SCAMP1: variants seen among roughly 807,000 people sequenced by gnomAD.
SCAMP1 encodes secretory carrier-associated membrane protein 1.
SCAMP1 carries 15 observed loss-of-function variants against 41.8 expected under a neutral mutation model. The ratio of observed to expected loss-of-function variants is 0.36; its 90% CI spans 0.24 to 0.55. The LOEUF (loss-of-function observed/expected upper bound fraction) is 0.55, where lower values mean the gene tolerates loss of function less well. Ranked by LOEUF, SCAMP1 falls within the 20% of genes least tolerant of loss-of-function variation. SCAMP1 has a pLI of 0.86. For synonymous variants in SCAMP1, 135 were observed against 136.8 expected (o/e 0.99, Z 0.09); for missense variants, 341 against 412.6 (o/e 0.83, Z 1.50).
intron 7 of SCAMP1, among the ~76,000 whole-genome samples, chr5:78,450,396 T>C (rs1753193511): frequency 6.6e-6 from 1 of 152,230 alleles, no homozygotes; most frequent in Non-Finnish European, 1.5e-5. Flanking sequence ...GGGATACCTA[T>C]TATGTATAAA....
At position 78,416,795 on chromosome 5, in the gene SCAMP1, G is replaced by C. The variant is rs1752221592; in HGVS notation, c.343+146G>C. On this transcript the variant is annotated intron_variant, in intron 4 of 8. Coordinates refer to ENST00000621999, the MANE Select transcript of SCAMP1 (RefSeq NM_004866.6). ...GGAGATCAGACACAGCAGATTGCCT[G>C]TTTGATACTCTGTAGCCTTCTAATC... The C allele has an allele frequency of 2.7e-5, 16 of 589,714 alleles. 1 individual carries two copies. The South Asian group carries it at 3.5e-4, about 13-fold the overall frequency. 36.5% of individuals were successfully genotyped at this position (589,714 alleles called of 1,614,324 possible).
intron 7 of SCAMP1, chr5:78,458,030 G>C (rs576663180): frequency 6.5e-6 from 1 of 152,954 alleles, no homozygotes; most frequent in South Asian, 2.1e-4. Context: ...GCAATGCCTC[G>C]CCCTGCTTCG....
intron 2 of SCAMP1, among the ~76,000 whole-genome samples, chr5:78,414,282 A>T (rs1752154047): frequency 6.6e-6 from 1 of 151,362 alleles, no homozygotes; most frequent in South Asian, 2.1e-4. Flanking sequence ...TTTTTATTTT[A>T]TTATTATTAT....
At chr5:78,469,756 T>C (rs1444346754) in intron 8 of SCAMP1, among the ~76,000 whole-genome samples, 2 of 151,744 alleles carry the variant, frequency 1.3e-5, no homozygotes, top group East Asian at 1.9e-4. Flanking sequence ...AGACTGTGCA[T>C]GGTGGTTCAC....
intron 1 of SCAMP1, among the ~76,000 whole-genome samples, chr5:78,373,714 A>G (rs1272783837): frequency 6.6e-6 from 1 of 152,158 alleles, no homozygotes; most frequent in Non-Finnish European, 1.5e-5. Flanking sequence ...GTACTACAAA[A>G]TAGAGTGTGA....
chr5:78,420,629 T>C (rs1000888481), intron 5 of SCAMP1, among the ~76,000 whole-genome samples: 1 of 152,108 alleles, frequency 6.6e-6, no homozygotes, highest in African/African-American at 2.4e-5. Flanking sequence ...GGCTGAAAAA[T>C]TGAAGCTTAC....
intron 1 of SCAMP1, among the ~76,000 whole-genome samples, chr5:78,383,595 A>G (rs779038708): frequency 2.6e-5 from 4 of 151,998 alleles, no homozygotes; most frequent in Non-Finnish European, 5.9e-5. Context: ...ATCCATCTTG[A>G]GTTGATTTTT....
intron 6 of SCAMP1, among the ~76,000 whole-genome samples, chr5:78,428,960 TCA>T (rs1752532150): frequency 1.3e-5 from 2 of 152,160 alleles, no homozygotes; most frequent in East Asian, 3.8e-4. Context: ...TGATCTTGTA[TCA>T]TTCTACCTTG....
At chr5:78,448,188 TG>T (rs1349366718) in intron 6 of SCAMP1, among the ~76,000 whole-genome samples, 1 of 133,258 alleles carries the variant, frequency 7.5e-6, no homozygotes, top group Non-Finnish European at 1.6e-5. Context: ...TCTTCCCTTT[TG>T]TTTTTTTTTG....
chr5:78,459,105 G>A lies in SCAMP1; in HGVS notation c.735-140G>A, dbSNP rs1251170908. The A allele has an allele frequency of 6.5e-6, 4 of 617,658 alleles. No individual in the cohort carries two copies. In the Admixed American group the frequency reaches 1.3e-4, roughly 20 times the overall value. The allele number at this position is 617,658 out of a possible 1,614,324, so 38.3% of individuals were successfully genotyped here. A position where few individuals can be genotyped will look rare whatever the true frequency, so the allele number is the denominator to read the frequency against. ...CAGCATCTATCCTATTGGGTGGGTT[G>A]TGAGAATTAAATGCACTAATACACA... On this transcript the variant is annotated intron_variant, in intron 7 of 8. Transcript: ENST00000621999.
Position 78,415,602 on chromosome 5 carries a change from A to T in SCAMP1, c.218A>T (p.Tyr73Phe). 1 of 1,598,126 alleles carries T rather than the reference A, an allele frequency of 6.3e-7. No individual in the cohort carries two copies. Among genetic ancestry groups the T allele is most frequent in the Non-Finnish European group, 8.5e-7 (1 of 1,170,396 alleles). The change falls in exon 3 of 9, where the codon TAT becomes TTT. Residue 73 changes from tyrosine to phenylalanine, a missense_variant. Transcript: ENST00000621999. ...IMKPTEEHPA[Y>F]TQIAKEHALA... ...AAACCAACAGAGGAACATCCAGCTT[A>T]TACACAGATTGCAAAGGTTAGTTCA...
rs528264231 is a variant in SCAMP1 at position 78,478,687 on chromosome 5, A to G, written c.*3019A>G. 11 of 152,104 alleles carry G rather than the reference A, an allele frequency of 7.2e-5. No homozygotes were observed. The highest frequency in any genetic ancestry group is 2.2e-4 in the African/African-American group (9 of 41,544). The allele number at this position is 152,104 out of a possible 1,614,324, so 9.4% of individuals were successfully genotyped here. ...ATTCTGATTTCTATCCTTGCTACCT[A>G]TTGCTGTTTTATGTACTGATGAAAG... On this transcript the variant is annotated 3_prime_UTR_variant, in exon 9 of 9. Coordinates refer to ENST00000621999, the MANE Select transcript of SCAMP1 (RefSeq NM_004866.6).
At chr5:78,387,308 A>T (rs1751366143) in intron 1 of SCAMP1, among the ~76,000 whole-genome samples, 1 of 144,048 alleles carries the variant, frequency 6.9e-6, no homozygotes, top group African/African-American at 2.5e-5. Context: ...AGAAGTTGCG[A>T]TTGTTTTTTA....
intron 8 of SCAMP1, among the ~76,000 whole-genome samples, chr5:78,465,177 C>G (rs1195222244): frequency 6.6e-6 from 1 of 152,122 alleles, no homozygotes; most frequent in Non-Finnish European, 1.5e-5. Flanking sequence ...TACTGTGGCA[C>G]CTGGGCATAA....
At chr5:78,422,488 TTAC>T (rs1353415902) in intron 6 of SCAMP1, among the ~76,000 whole-genome samples, 3 of 152,206 alleles carry the variant, frequency 2.0e-5, no homozygotes, top group African/African-American at 7.2e-5. Context: ...GTATAATGCT[TTAC>T]ATAGTATATT....
chr5:78,399,792 A>G (rs1476861235), intron 2 of SCAMP1, among the ~76,000 whole-genome samples: 1 of 152,188 alleles, frequency 6.6e-6, no homozygotes, highest in Non-Finnish European at 1.5e-5. Context: ...GTTAATTTTA[A>G]GGAAGTCCAG....
chr5:78,401,425 A>G (rs78588442), intron 2 of SCAMP1, among the ~76,000 whole-genome samples: 3,031 of 152,232 alleles, frequency 0.02, 117 homozygotes, highest in African/African-American at 0.068. Context: ...ACCTTAAATG[A>G]TTGGTAGAAT....
intron 2 of SCAMP1, among the ~76,000 whole-genome samples, chr5:78,415,168 G>A (rs1252288107): frequency 1.4e-5 from 2 of 146,802 alleles, no homozygotes; most frequent in African/African-American, 2.5e-5. Context: ...TGGCCAGGCT[G>A]GTCTTGAACT....
At position 78,477,412 on chromosome 5, in the gene SCAMP1, G is replaced by A. The variant is rs1158627522; in HGVS notation, c.*1744G>A. Reference sequence around the variant, plus strand: ...TGTTCTCAACCAACTTAGCCAGTTTGTTTTTCAGAGCCTGTAGTCTTATTG... The same window carrying A: ...TGTTCTCAACCAACTTAGCCAGTTTATTTTTCAGAGCCTGTAGTCTTATTG... On this transcript the variant is annotated 3_prime_UTR_variant, in exon 9 of 9. Coordinates refer to ENST00000621999, the MANE Select transcript of SCAMP1 (RefSeq NM_004866.6). The A allele has an allele frequency of 2.0e-5, 3 of 152,096 alleles. No homozygotes were observed. The highest frequency in any genetic ancestry group is 4.4e-5 in the Non-Finnish European group (3 of 67,956). The allele number at this position is 152,096 out of a possible 1,614,324, so 9.4% of individuals were successfully genotyped here. A position where few individuals can be genotyped will look rare whatever the true frequency, so the allele number is the denominator to read the frequency against.
Sources: gnomAD v4.1 joint callset for allele counts (sites outside exome capture counted in the v4.1 genomes callset) on GRCh38, gnomAD v4.1.1 for gene constraint, MANE v1.5 for transcripts, NCBI Gene and HGNC (gene_info 2026-07-23, HGNC 2026-07-21) for gene names.